Variants in NCK1 observed in about 807,000 individuals in gnomAD.
NCK1 encodes the protein SH2/SH3 adapter protein NCK1.
In NCK1, 19 loss-of-function variants were observed where a neutral mutation model predicts 36.6. The ratio of observed to expected loss-of-function variants is 0.52; its 90% CI spans 0.36 to 0.76. NCK1 has a LOEUF of 0.76. Among genes scored for constraint, NCK1 ranks in the 30% least tolerant of loss-of-function variants. The probability of loss-of-function intolerance (pLI) is 0.00; values close to 1 mark genes in which losing one functional copy is unlikely to be tolerated. For missense variants in NCK1, 358 were observed against 445.6 expected (o/e 0.80, Z 1.77); for synonymous variants, 165 against 156.0 (o/e 1.06, Z -0.43).
Position 136,929,787 on chromosome 3 carries a change from T to G in NCK1, c.226+1560T>G, listed in dbSNP as rs143732943. ...GAATGTGACAGTAATTAACAAAATA[T>G]AGTGAAAAAACTATTATCATAGAGC... On this transcript the variant is annotated intron_variant, in intron 2 of 3. Coordinates refer to ENST00000481752, the MANE Select transcript of NCK1 (RefSeq NM_001291999.2). Among the ~76,000 whole-genome samples, 4 of 152,288 alleles carry G rather than the reference T, an allele frequency of 2.6e-5. No homozygotes were observed. In the East Asian group the frequency reaches 7.7e-4, roughly 29 times the overall value.
At chr3:136,899,843 G>A in intron 1 of NCK1, 2 of 1,465,224 alleles carry the variant, frequency 1.4e-6, no homozygotes, top group Non-Finnish European at 1.9e-6. Context: ...AGTCTCTCTG[G>A]TAGAGCTTAT....
intron 1 of NCK1, among the ~76,000 whole-genome samples, chr3:136,910,564 A>C (rs1939807737): frequency 6.6e-6 from 1 of 152,216 alleles, no homozygotes; most frequent in Non-Finnish European, 1.5e-5. Context: ...TACTTTATAT[A>C]GCTTCAAATT....
At chr3:136,907,506 G>C (rs1939716525) in intron 1 of NCK1, among the ~76,000 whole-genome samples, 1 of 152,158 alleles carries the variant, frequency 6.6e-6, no homozygotes, top group Non-Finnish European at 1.5e-5. Context: ...CTTCTCCCAT[G>C]GCTAGGATTG....
chr3:136,925,699 C>CT (rs1940220030), intron 1 of NCK1, among the ~76,000 whole-genome samples: 1 of 152,012 alleles, frequency 6.6e-6, no homozygotes, highest in Non-Finnish European at 1.5e-5. Context: ...ATCAATTGTT[C>CT]TTTTTGGTAT....
intron 1 of NCK1, among the ~76,000 whole-genome samples, chr3:136,896,470 A>G (rs1378497365): frequency 6.6e-6 from 1 of 152,140 alleles, no homozygotes; most frequent in East Asian, 1.9e-4. Flanking sequence ...ACATGATTTC[A>G]TTATTTTTTA....
rs1306174295 is a variant in NCK1 at position 136,948,734 on chromosome 3, A to AAC, written c.*282_*283insCA. On this transcript the variant is annotated 3_prime_UTR_variant, in exon 4 of 4. Transcript: ENST00000481752. ...TATTACAGTTTTGTATTTTGTAAAC[A>AAC]AAAATCAAATAATGCATATCAGAAT... 4.7e-6 allele frequency: 1 copy of AAC among 214,720 alleles called. No homozygotes were observed. The highest frequency in any genetic ancestry group is 5.7e-5 in the Admixed American group (1 of 17,690). The allele number at this position is 214,720 out of a possible 1,614,324, so 13.3% of individuals were successfully genotyped here. A position where few individuals can be genotyped will look rare whatever the true frequency, so the allele number is the denominator to read the frequency against.
At chr3:136,900,167 C>G (rs1939506153) in intron 1 of NCK1, 1 of 295,346 alleles carries the variant, frequency 3.4e-6, no homozygotes, top group Non-Finnish European at 6.5e-6. Flanking sequence ...GACATTGGCG[C>G]TCTCCCTTCA....
Position 136,924,306 on chromosome 3 carries a change from T to C in NCK1, c.-18-3678T>C, listed in dbSNP as rs559254015. ...AAGCCTCTAGAAATAATTACCAGTT[T>C]ATAGGAGATAGGGGGGATAGAGGAA... On this transcript the variant is annotated intron_variant, in intron 1 of 3. Transcript: ENST00000481752. 3.7e-3 allele frequency among the ~76,000 whole-genome samples: 568 copies of C among 152,262 alleles called. 4 individuals are homozygous for C. Among genetic ancestry groups the C allele is most frequent in the Non-Finnish European group, 5.9e-3 (398 of 68,018 alleles).
intron 1 of NCK1, among the ~76,000 whole-genome samples, chr3:136,867,227 C>G (rs1938475001): frequency 7.1e-6 from 1 of 140,440 alleles, no homozygotes. Context: ...TTCCTTCCGT[C>G]CATCCATCCG....
chr3:136,905,628 CT>C (rs1018818714), intron 1 of NCK1, among the ~76,000 whole-genome samples: 10 of 151,834 alleles, frequency 6.6e-5, no homozygotes, highest in African/African-American at 2.4e-4. Context: ...TCATAAATTT[CT>C]TTTTTTCCCC....
rs116508331 is a variant in NCK1 at position 136,938,578 on chromosome 3, A to G, written c.227-7005A>G. ...GATTTTGCTGTTTAAAATGGCCCCCAAGCATAGTGATGAAGTGTTGCCTAG... is the reference window on the plus strand; with the variant it reads ...GATTTTGCTGTTTAAAATGGCCCCCGAGCATAGTGATGAAGTGTTGCCTAG... On this transcript the variant is annotated intron_variant, in intron 2 of 3. Coordinates refer to ENST00000481752, the MANE Select transcript of NCK1 (RefSeq NM_001291999.2). 6.6e-3 allele frequency among the ~76,000 whole-genome samples: 998 copies of G among 152,290 alleles called. 10 individuals carry two copies. Among genetic ancestry groups the G allele is most frequent in the African/African-American group, 0.023 (940 of 41,554 alleles).
chr3:136,903,425 A>G (rs1427285681), intron 1 of NCK1, among the ~76,000 whole-genome samples: 2 of 152,088 alleles, frequency 1.3e-5, no homozygotes, highest in African/African-American at 2.4e-5. Context: ...ATCAGTATCT[A>G]TCTTATTTAT....
chr3:136,909,492 T>G (rs1405041554), intron 1 of NCK1, among the ~76,000 whole-genome samples: 3 of 152,174 alleles, frequency 2.0e-5, no homozygotes, highest in Admixed American at 2.0e-4. Context: ...AGACAATTAT[T>G]TAAACAACCA....
At chr3:136,894,921 A>G (rs541448561) in intron 1 of NCK1, among the ~76,000 whole-genome samples, 65 of 151,864 alleles carry the variant, frequency 4.3e-4, no homozygotes, top group Non-Finnish European at 7.7e-4. Context: ...TGCCCAGGCT[A>G]GAGTGCAGTG....
In NCK1 at chr3:136,948,669, TTTA is replaced by T. The variant is rs1344613072; in HGVS notation, c.*219_*221del. On this transcript the variant is annotated 3_prime_UTR_variant, in exon 4 of 4. Transcript: ENST00000481752. ...CAGTTCCTTATCCTTGGCCTTCTGT[TTTA>T]TTGTTTTTTTCTTTGCTGTTTTCCC... is the stretch of plus-strand genomic sequence containing the variant. 6 of 329,470 alleles carry T rather than the reference TTTA, an allele frequency of 1.8e-5. No individual in the cohort carries two copies. The highest frequency in any genetic ancestry group is 1.1e-4 in the African/African-American group (5 of 47,084). The allele number at this position is 329,470 out of a possible 1,614,324, so 20.4% of individuals were successfully genotyped here.
intron 2 of NCK1, among the ~76,000 whole-genome samples, chr3:136,939,872 A>T: frequency 8.6e-6 from 1 of 116,318 alleles, no homozygotes; most frequent in Admixed American, 1.1e-4. Flanking sequence ...TAAAATAGAG[A>T]CAGGGTCTCT....
At chr3:136,870,384 C>T (rs1484583793) in intron 1 of NCK1, among the ~76,000 whole-genome samples, 3 of 151,476 alleles carry the variant, frequency 2.0e-5, no homozygotes, top group Non-Finnish European at 2.9e-5. Flanking sequence ...AATTTTAGCA[C>T]GTATTTTCAT....
chr3:136,931,401 CAA>C (rs923403258), intron 2 of NCK1, among the ~76,000 whole-genome samples: 2 of 152,178 alleles, frequency 1.3e-5, no homozygotes, highest in Admixed American at 6.5e-5. Context: ...AGTAACCTGA[CAA>C]GAGATTCCAG....
chr3:136,935,180 G>A (rs903249973), intron 2 of NCK1, among the ~76,000 whole-genome samples: 1 of 152,122 alleles, frequency 6.6e-6, no homozygotes, highest in Non-Finnish European at 1.5e-5. Flanking sequence ...GGATTACAGT[G>A]TGAGCCCCCG....
Sources: gnomAD v4.1 joint callset for allele counts (sites outside exome capture counted in the v4.1 genomes callset) on GRCh38, gnomAD v4.1.1 for gene constraint, MANE v1.5 for transcripts, NCBI Gene and HGNC (gene_info 2026-07-23, HGNC 2026-07-21) for gene names.